Variants in RAB31 observed in about 807,000 individuals in gnomAD.
The protein encoded by RAB31 is ras-related protein Rab-31.
A neutral mutation model predicts 25.6 loss-of-function variants in RAB31; 21 were observed. The ratio of observed to expected loss-of-function variants is 0.82; its 90% CI spans 0.58 to 1.18. RAB31 has a LOEUF of 1.18. RAB31 is among the 50% of genes most tolerant of loss of function. The pLI, the probability that RAB31 is intolerant of heterozygous loss-of-function variation, is 0.00. For synonymous variants in RAB31, 87 were observed against 84.0 expected (o/e 1.04, Z -0.20); for missense variants, 196 against 250.1 (o/e 0.78, Z 1.46).
chr18:9,713,648 A>C (rs1268571526), intron 1 of RAB31, among the ~76,000 whole-genome samples: 1 of 152,084 alleles, frequency 6.6e-6, no homozygotes, highest in East Asian at 1.9e-4. Context: ...TTTGAGGAGC[A>C]TTTTCAAGCT....
At chr18:9,805,865 C>G (rs879476904) in intron 3 of RAB31, among the ~76,000 whole-genome samples, 2 of 152,216 alleles carry the variant, frequency 1.3e-5, no homozygotes, top group Non-Finnish European at 2.9e-5. Context: ...TGTTCAAAGT[C>G]TTTTCCACCA....
Position 9,815,148 on chromosome 18 carries a change from G to T in RAB31, c.306G>T (p.Lys102Asn). ...DSFYTLKKWV[K>N]ELKEHGPENI... ...TTTATACCTTGAAGAAATGGGTCAA[G>T]GAGCTGAAAGAACATGGTCCAGAAA... The change falls in exon 5 of 7, where the codon AAG (lysine) becomes AAT (asparagine). Residue 102 changes from lysine (K) to asparagine (N), a missense_variant. Transcript: ENST00000578921. 6.4e-7 allele frequency: 1 copy of T among 1,555,684 alleles called. No homozygotes were observed. The highest frequency in any genetic ancestry group is 8.7e-7 in the Non-Finnish European group (1 of 1,148,382).
chr18:9,791,546 C>T (rs1205055585), intron 2 of RAB31, among the ~76,000 whole-genome samples: 6 of 150,832 alleles, frequency 4.0e-5, no homozygotes, highest in East Asian at 1.9e-4. Context: ...TACAGGCACC[C>T]GCCACCATGC....
intron 1 of RAB31, among the ~76,000 whole-genome samples, chr18:9,732,342 C>CCAGTGG (rs11281439): frequency 0.65 from 98,898 of 151,600 alleles, 32,556 homozygotes; most frequent in African/African-American, 0.74. Context: ...AGAAACCTCC[C>CCAGTGG]CAGAGGCCCA....
intron 3 of RAB31, among the ~76,000 whole-genome samples, chr18:9,802,245 G>T (rs2068517478): frequency 6.6e-6 from 1 of 152,180 alleles, no homozygotes; most frequent in Admixed American, 6.5e-5. Flanking sequence ...GGATTATGTT[G>T]ACTTTGTAGA....
intron 1 of RAB31, among the ~76,000 whole-genome samples, chr18:9,711,422 G>C (rs564037725): frequency 1.3e-5 from 2 of 152,160 alleles, no homozygotes; most frequent in African/African-American, 2.4e-5. Context: ...ACCCAGGCTG[G>C]AGTGCAATGG....
At chr18:9,841,058 G>A (rs2068730996) in intron 5 of RAB31, among the ~76,000 whole-genome samples, 1 of 152,078 alleles carries the variant, frequency 6.6e-6, no homozygotes, top group African/African-American at 2.4e-5. Context: ...TAGCTCCTGA[G>A]TAGCTGAGTC....
At chr18:9,788,190 A>G (rs2068443085) in intron 2 of RAB31, among the ~76,000 whole-genome samples, 1 of 152,252 alleles carries the variant, frequency 6.6e-6, no homozygotes, top group Admixed American at 6.5e-5. Context: ...AAACAACTCA[A>G]CAGCAAAGAA....
chr18:9,838,853 G>A (rs2068718004), intron 5 of RAB31, among the ~76,000 whole-genome samples: 1 of 152,178 alleles, frequency 6.6e-6, no homozygotes, highest in Admixed American at 6.5e-5. Context: ...CCACTTGGAA[G>A]GCTGGGTGAG....
At chr18:9,789,884 A>T (rs192035035) in intron 2 of RAB31, among the ~76,000 whole-genome samples, 2 of 152,198 alleles carry the variant, frequency 1.3e-5, no homozygotes, top group Admixed American at 6.5e-5. Flanking sequence ...TAGGTTGGTA[A>T]TTAGAACTCT....
chr18:9,841,947 G>A (rs1167380447), intron 5 of RAB31, among the ~76,000 whole-genome samples: 1 of 152,184 alleles, frequency 6.6e-6, no homozygotes, highest in Non-Finnish European at 1.5e-5. Flanking sequence ...AAGCATGGGT[G>A]ACTACTTTTA....
At chr18:9,788,154 G>T (rs985002402) in intron 2 of RAB31, among the ~76,000 whole-genome samples, 2 of 152,056 alleles carry the variant, frequency 1.3e-5, no homozygotes, top group African/African-American at 4.8e-5. Context: ...TAAAAGGGAC[G>T]AAAATCCAGA....
chr18:9,726,894 C>T (rs12955356), intron 1 of RAB31, among the ~76,000 whole-genome samples: 24,959 of 151,990 alleles, frequency 0.16, 2,170 homozygotes, highest in African/African-American at 0.18. Flanking sequence ...AGAAGCCCAC[C>T]CTGTTCCCCC....
chr18:9,734,591 G>C (rs973607368), intron 1 of RAB31, among the ~76,000 whole-genome samples: 2 of 152,126 alleles, frequency 1.3e-5, no homozygotes, highest in East Asian at 3.9e-4. Flanking sequence ...CAGCAGAAAG[G>C]AGAGGCAGGC....
At chr18:9,776,306 C>G (rs2068372134) in intron 2 of RAB31, among the ~76,000 whole-genome samples, 1 of 152,146 alleles carries the variant, frequency 6.6e-6, no homozygotes, top group South Asian at 2.1e-4. Context: ...ATTTTTCACC[C>G]TGAAGATATC....
intron 1 of RAB31, among the ~76,000 whole-genome samples, chr18:9,718,756 C>G (rs113754393): frequency 0.03 from 4,635 of 152,188 alleles, 100 homozygotes; most frequent in Middle Eastern, 0.099. Context: ...TGAGGGCTCT[C>G]TAAGGGGTTG....
chr18:9,807,314 TACTGTG>T (rs1254404581), intron 3 of RAB31, among the ~76,000 whole-genome samples: 4 of 152,314 alleles, frequency 2.6e-5, no homozygotes, highest in African/African-American at 9.6e-5. Context: ...ATGGTACGCT[TACTGTG>T]ACCTTGAGGC....
chr18:9,837,431 A>T (rs1414770658), intron 5 of RAB31, among the ~76,000 whole-genome samples: 2 of 152,240 alleles, frequency 1.3e-5, no homozygotes, highest in Non-Finnish European at 2.9e-5. Flanking sequence ...TTTAATCGTG[A>T]TACAAAACTC....
intron 6 of RAB31, among the ~76,000 whole-genome samples, chr18:9,856,699 A>G (rs923071973): frequency 1.3e-5 from 2 of 152,208 alleles, no homozygotes; most frequent in Non-Finnish European, 2.9e-5. Flanking sequence ...CAACAGCTGT[A>G]CCCATGAGAA....
Sources: allele counts gnomAD v4.1 joint callset (sites outside exome capture counted in the v4.1 genomes callset), GRCh38; gene constraint gnomAD v4.1.1; transcripts MANE v1.5; gene names NCBI Gene and HGNC (gene_info 2026-07-23, HGNC 2026-07-21).